Variants in KLF8 observed in about 807,000 individuals in gnomAD.
KLF8 encodes the protein Krueppel-like factor 8.
A neutral mutation model predicts 18.2 loss-of-function variants in KLF8; 10 were observed. The observed-to-expected ratio is 0.55, with a 90% CI of 0.34 to 0.93. KLF8 has a LOEUF of 0.93. KLF8 is among the 40% of genes least tolerant of loss of function. KLF8 has a pLI of 0.02. For synonymous variants in KLF8, 109 were observed against 97.3 expected (o/e 1.12, Z -0.71); for missense variants, 264 against 277.9 (o/e 0.95, Z 0.36).
chrX:56,171,367 T>C, the KLF8 span, among the ~76,000 whole-genome samples: 1 of 112,121 alleles, frequency 8.9e-6, no homozygotes, highest in Non-Finnish European at 1.9e-5. Context: ...AGATAATAGG[T>C]TATAGTATAG....
the KLF8 span, among the ~76,000 whole-genome samples, chrX:56,029,271 C>T: frequency 3.0e-4 from 33 of 111,224 alleles, no homozygotes; most frequent in Non-Finnish European, 3.8e-4. Flanking sequence ...CTCCTGTTCC[C>T]GGTAACTTCA....
At chrX:56,178,319 T>G in the KLF8 span, among the ~76,000 whole-genome samples, 1 of 112,582 alleles carries the variant, frequency 8.9e-6, no homozygotes, top group Admixed American at 9.4e-5. Flanking sequence ...TCACCCACTT[T>G]TTGATGGGGT....
chrX:55,991,063 G>T, the KLF8 span, among the ~76,000 whole-genome samples: 1 of 112,294 alleles, frequency 8.9e-6, no homozygotes, highest in Non-Finnish European at 1.9e-5. Flanking sequence ...GGAGTTTTCT[G>T]CTGCTTTTTG....
At chrX:55,957,742 T>C in the KLF8 span, among the ~76,000 whole-genome samples, 1 of 111,884 alleles carries the variant, frequency 8.9e-6, no homozygotes, top group African/African-American at 3.2e-5. Context: ...TTTATAATTA[T>C]GTAACTTTGG....
At position 56,263,326 on chromosome X, in the gene KLF8, A is replaced by T. The variant is rs151285509; in HGVS notation, c.82-1854A>T. Among the ~76,000 whole-genome samples the T allele has an allele frequency of 9.4e-3, 1,059 of 112,081 alleles. 17 individuals carry two copies. Among genetic ancestry groups the T allele is most frequent in the African/African-American group, 0.033 (1,008 of 30,836 alleles). On this transcript the variant is annotated intron_variant, in intron 2 of 5. Transcript: ENST00000468660. The stretch of plus-strand genomic sequence containing the variant: ...AGCAGATTGAAGCAATGTTTGGACC[A>T]CAAACAAGGGCTGAGTTGGGATAGG...
the KLF8 span, among the ~76,000 whole-genome samples, chrX:56,184,765 G>A: frequency 8.9e-6 from 1 of 111,949 alleles, no homozygotes; most frequent in African/African-American, 3.3e-5. Context: ...AGGCAAACAG[G>A]GTCTAGGGTG....
At chrX:56,015,767 C>T in the KLF8 span, among the ~76,000 whole-genome samples, 1 of 111,290 alleles carries the variant, frequency 9.0e-6, no homozygotes. Flanking sequence ...TACAAAAGGG[C>T]AGAATCAATG....
chrX:56,023,049 A>G, the KLF8 span, among the ~76,000 whole-genome samples: 328 of 111,946 alleles, frequency 2.9e-3, no homozygotes, highest in African/African-American at 0.01. Flanking sequence ...TAAGATGTCC[A>G]TAAGTGTGTT....
the KLF8 span, among the ~76,000 whole-genome samples, chrX:56,068,771 G>A: frequency 1.8e-5 from 2 of 111,224 alleles, no homozygotes; most frequent in African/African-American, 6.5e-5. Context: ...CCGCTTCTGC[G>A]TGAACTCAGC....
At chrX:55,928,653 G>A in the KLF8 span, among the ~76,000 whole-genome samples, 2 of 111,531 alleles carry the variant, frequency 1.8e-5, no homozygotes, top group African/African-American at 3.3e-5. Flanking sequence ...AGTTTGCTAA[G>A]AAAGATGGTT....
At chrX:55,981,034 A>C in the KLF8 span, among the ~76,000 whole-genome samples, 1 of 111,372 alleles carries the variant, frequency 9.0e-6, no homozygotes, top group Non-Finnish European at 1.9e-5. Context: ...CTCTACTAAA[A>C]ATACAAAATA....
the KLF8 span, among the ~76,000 whole-genome samples, chrX:56,161,050 G>A: frequency 9.0e-6 from 1 of 111,239 alleles, no homozygotes; most frequent in Non-Finnish European, 1.9e-5. Flanking sequence ...TCCATTTTTA[G>A]TGCTTCCTTC....
At chrX:56,039,132 G>A in the KLF8 span, among the ~76,000 whole-genome samples, 1 of 111,620 alleles carries the variant, frequency 9.0e-6, no homozygotes, top group Non-Finnish European at 1.9e-5. Flanking sequence ...GGGATACATT[G>A]CAAAAAGTTT....
At chrX:56,129,729 A>G in the KLF8 span, among the ~76,000 whole-genome samples, 1 of 104,999 alleles carries the variant, frequency 9.5e-6, no homozygotes, top group Non-Finnish European at 1.9e-5. Context: ...AAAAGATGCA[A>G]AAGCCATGCT....
chrX:56,182,580 T>C, the KLF8 span, among the ~76,000 whole-genome samples: 7 of 112,373 alleles, frequency 6.2e-5, no homozygotes, highest in East Asian at 1.9e-3. Context: ...TCTGTTCTGT[T>C]TTCTCCCCAT....
the KLF8 span, among the ~76,000 whole-genome samples, chrX:56,108,166 C>T: frequency 9.0e-6 from 1 of 111,289 alleles, no homozygotes; most frequent in African/African-American, 3.3e-5. Context: ...AATAGTTTTA[C>T]TTCTTTCTTT....
the KLF8 span, among the ~76,000 whole-genome samples, chrX:56,050,054 T>C: frequency 2.7e-5 from 3 of 110,777 alleles, no homozygotes; most frequent in Admixed American, 9.6e-5. Flanking sequence ...TTTATTTGCA[T>C]AGAGGTGTTT....
At chrX:55,972,006 A>G in the KLF8 span, among the ~76,000 whole-genome samples, 1 of 111,005 alleles carries the variant, frequency 9.0e-6, no homozygotes, top group African/African-American at 3.3e-5. Flanking sequence ...GGTTCTCCAT[A>G]AAATCCATAA....
chrX:56,226,443 T>C, the KLF8 span, among the ~76,000 whole-genome samples: 2 of 111,909 alleles, frequency 1.8e-5, no homozygotes, highest in African/African-American at 6.5e-5. Flanking sequence ...TTACTCTCCA[T>C]AAATAGAAGG....
Sources: gnomAD v4.1 joint callset for allele counts (sites outside exome capture counted in the v4.1 genomes callset) on GRCh38, gnomAD v4.1.1 for gene constraint, MANE v1.5 for transcripts, NCBI Gene and HGNC (gene_info 2026-07-23, HGNC 2026-07-21) for gene names.